POLM: variants seen among roughly 807,000 people sequenced by gnomAD.
POLM encodes the protein DNA polymerase mu.
Under a neutral mutation model 56.7 loss-of-function variants are expected in POLM, and 52 were observed. The observed-to-expected ratio is 0.92, with a 90% CI of 0.73 to 1.15. The LOEUF (loss-of-function observed/expected upper bound fraction) is 1.15. POLM is among the 50% of genes most tolerant of loss of function. The pLI, the probability that POLM is intolerant of heterozygous loss-of-function variation, is 0.00. For missense variants in POLM, 660 were observed against 663.6 expected (o/e 0.99, Z 0.06); for synonymous variants, 273 against 274.3 (o/e 1.00, Z 0.05).
At chr7:44,075,169 G>C (rs1432056485) in intron 6 of POLM, among the ~76,000 whole-genome samples, 2 of 152,210 alleles carry the variant, frequency 1.3e-5, no homozygotes, top group African/African-American at 4.8e-5. Context: ...TCCTGCCTCA[G>C]CCTCCCGAGT....
At chr7:44,081,143 C>T (rs2096198721) in intron 1 of POLM, among the ~76,000 whole-genome samples, 2 of 152,246 alleles carry the variant, frequency 1.3e-5, no homozygotes, top group Admixed American at 6.5e-5. Flanking sequence ...TTCACAAGCA[C>T]AGCCCAGTCT....
Position 44,082,369 on chromosome 7 carries a change from A to G in POLM, c.70T>C (p.Ser24Pro). Residue 24 changes from serine (S) to proline (P), a missense_variant, in exon 1 of 11, where the codon TCG becomes CCG. By Grantham distance (74) the Ser-to-Pro change is moderately conservative. Transcript: ENST00000242248. ...ATGGCGACTCCCGGGAAGCGCGTCG[A>G]GGGCGGCGTGGAGGAAGCGGCATCG... is the stretch of plus-strand genomic sequence containing the variant. Reference protein sequence around the residue: ...SGDAASSTPPSTRFPGVAIYL... With the variant: ...SGDAASSTPPPTRFPGVAIYL... The G allele has an allele frequency of 6.5e-7, 1 of 1,542,786 alleles. No homozygotes were observed. The highest frequency in any genetic ancestry group is 8.7e-7 in the Non-Finnish European group (1 of 1,153,336).
chr7:44,082,103 C>A, intron 1 of POLM, 148 bp downstream of exon 1: 1 of 684,632 alleles, frequency 1.5e-6, no homozygotes, highest in Non-Finnish European at 2.2e-6. Context: ...TCCTTTAAAA[C>A]ACGCCTCGCC....
At chr7:44,079,777 G>A in intron 3 of POLM, 36 bp from the exon 4 acceptor site, 1 of 1,610,574 alleles carries the variant, frequency 6.2e-7, no homozygotes, top group Non-Finnish European at 8.5e-7. Flanking sequence ...GGCAGGGTGG[G>A]CAGCTCCAAT....
chr7:44,082,479 G>T lies in POLM; in HGVS notation c.-41C>A, dbSNP rs901554853. The T allele has an allele frequency of 2.1e-6, 2 of 973,286 alleles. No individual in the cohort carries two copies. The highest frequency in any genetic ancestry group is 2.5e-6 in the Non-Finnish European group (2 of 808,692). The allele number at this position is 973,286 out of a possible 1,614,324, so 60.3% of individuals were successfully genotyped here. A position where few individuals can be genotyped will look rare whatever the true frequency, so the allele number is the denominator to read the frequency against. ...CAGCAGCGCGGAGCGAACGCAGAGG[G>T]AAACTCCGAGCGAGACGGAAGGAAG... On this transcript the variant is annotated 5_prime_UTR_variant, in exon 1 of 11. Coordinates refer to ENST00000242248, the MANE Select transcript of POLM (RefSeq NM_013284.4).
rs1277110280 is a variant in POLM at position 44,079,857 on chromosome 7, T to C, written c.471+4A>G. 4.3e-6 allele frequency: 7 copies of C among 1,613,798 alleles called. No homozygotes were observed. The African/African-American group carries it at 9.3e-5, about 22-fold the overall frequency. On this transcript the variant is annotated splice_donor_region_variant and intron_variant, in intron 3 of 10. Coordinates refer to ENST00000242248, the MANE Select transcript of POLM (RefSeq NM_013284.4). Reference sequence around the variant, plus strand: ...GCTGGCCAAGGCTCATAGAAGCGGCTTACGGAGAGGCCAGTGTTGTGGTGT... The same window carrying C: ...GCTGGCCAAGGCTCATAGAAGCGGCCTACGGAGAGGCCAGTGTTGTGGTGT...
At position 44,080,905 on chromosome 7, in the gene POLM, G is replaced by A. The variant is rs1392001379; in HGVS notation, c.200C>T (p.Thr67Ile). ...TGAGGTCTCTTCCATCACAACATGT[G>A]TCGCTTCGGAGCTGGTGGAGGGAGT... ...RVLDACSSEA[T>I]HVVMEETSAE... The change falls in exon 2 of 11, where the codon ACA (threonine) becomes ATA (isoleucine). Residue 67 changes from threonine (T) to isoleucine (I), a missense_variant. Coordinates refer to ENST00000242248, the MANE Select transcript of POLM (RefSeq NM_013284.4). 2 of 1,570,926 alleles carry A rather than the reference G, an allele frequency of 1.3e-6. No homozygotes were observed. Among genetic ancestry groups the A allele is most frequent in the South Asian group, 2.4e-5 (2 of 83,592 alleles).
chr7:44,080,253 A>C, intron 2 of POLM: 1 of 525,304 alleles, frequency 1.9e-6, no homozygotes, highest in Non-Finnish European at 3.5e-6. Flanking sequence ...AATCCTCACA[A>C]CCAAGCGGGC....
At chr7:44,080,073 TG>T (rs1457760186) in intron 2 of POLM, 114 bp from the exon 3 acceptor site, 1 of 750,902 alleles carries the variant, frequency 1.3e-6, no homozygotes, top group Non-Finnish European at 2.3e-6. Flanking sequence ...CTGGAGCTCA[TG>T]GGACAGAGGT....
chr7:44,082,128 C>T, intron 1 of POLM, 123 bp downstream of exon 1: 1 of 813,788 alleles, frequency 1.2e-6, no homozygotes, highest in South Asian at 2.2e-5. Flanking sequence ...TTAATAGCAC[C>T]CTTTACAGAA....
chr7:44,079,889 G>A lies in POLM; in HGVS notation c.443C>T (p.Pro148Leu), dbSNP rs767185388. Residue 148 changes from proline to leucine, a missense_variant, in exon 3 of 11, where the codon CCC (proline) becomes CTC (leucine). By Grantham distance (98) the Pro-to-Leu change is moderately conservative (BLOSUM62 -3). Coordinates refer to ENST00000242248, the MANE Select transcript of POLM (RefSeq NM_013284.4). ...GAGGCCAGTGTTGTGGTGTGTGAGG[G>A]GCGTAGGGCGCTGGCAGGCATAGGC... is the stretch of plus-strand genomic sequence containing the variant. ...MPAYACQRPT[P>L]LTHHNTGLSE... The A allele has an allele frequency of 8.1e-6, 13 of 1,614,146 alleles. No homozygotes were observed. The South Asian group carries it at 1.3e-4, about 16-fold the overall frequency.
intron 2 of POLM, chr7:44,080,486 A>G (rs1261890800): frequency 8.8e-6 from 6 of 680,142 alleles, no homozygotes; most frequent in Non-Finnish European, 1.6e-5. Flanking sequence ...AGAAGGTAAA[A>G]ATAAGCAGAC....
chr7:44,079,433 G>T, intron 4 of POLM, 138 bp downstream of exon 4: 1 of 749,614 alleles, frequency 1.3e-6, no homozygotes, highest in Non-Finnish European at 2.2e-6. Flanking sequence ...GCAGAGGGTG[G>T]CTTGTTGAGG....
Position 44,072,719 on chromosome 7 carries a change from A to G in POLM, c.*572T>C. 1 of 201,510 alleles carries G rather than the reference A, an allele frequency of 5.0e-6. No homozygotes were observed. Among genetic ancestry groups the G allele is most frequent in the Non-Finnish European group, 1.0e-5 (1 of 99,844 alleles). 12.5% of individuals were successfully genotyped at this position (201,510 alleles called of 1,614,324 possible). On this transcript the variant is annotated 3_prime_UTR_variant, in exon 11 of 11. Coordinates refer to ENST00000242248, the MANE Select transcript of POLM (RefSeq NM_013284.4). ...CGGGGCGCTGCAGTACTGAAGCCCC[A>G]TAGTTGAAAATTATCTTCCTCCCAG...
intron 1 of POLM, 133 bp downstream of exon 1, chr7:44,082,114 CTAAT>C (rs1448584785): frequency 1.4e-6 from 1 of 739,450 alleles, no homozygotes; most frequent in African/African-American, 1.9e-5. Context: ...ACGCCTCGCC[CTAAT>C]TAATAGCACC....
rs777520510 is a variant in POLM at position 44,073,655 on chromosome 7, C to T, written c.1368G>A (p.Leu456=). The change falls in exon 10 of 11, where the codon CTG becomes CTA. Residue 456 remains leucine, a synonymous_variant. Transcript: ENST00000242248. The part of the protein sequence containing the change: ...RFSRKEKGLW[L]NSHGLFDPEQ... ...CCGGGTCAAACAGCCCATGGCTGTTCAGCCACAGGCCCTTCTCCTTCCGGC... is the reference window on the plus strand; with the variant it reads ...CCGGGTCAAACAGCCCATGGCTGTTTAGCCACAGGCCCTTCTCCTTCCGGC... The T allele has an allele frequency of 6.2e-7, 1 of 1,614,188 alleles. No individual in the cohort carries two copies. Among genetic ancestry groups the T allele is most frequent in the South Asian group, 1.1e-5 (1 of 91,064 alleles).
At position 44,073,481 on chromosome 7, in the gene POLM, C is replaced by T. The variant is rs760263694; in HGVS notation, c.1399-104G>A. 7.6e-6 allele frequency: 12 copies of T among 1,579,648 alleles called. No individual in the cohort carries two copies. The Admixed American group carries it at 1.9e-4, about 25-fold the overall frequency. On this transcript the variant is annotated intron_variant, in intron 10 of 10. Transcript: ENST00000242248. The stretch of plus-strand genomic sequence containing the variant: ...GAGCCCAGCGCCGAGGTGGGGTGTG[C>T]TCTTGAGGGCCAGGAACTGTGTGTG...
In POLM at chr7:44,073,722, A is replaced by G. The variant is rs1429972796; in HGVS notation, c.1315-14T>C. 4.3e-6 allele frequency: 7 copies of G among 1,613,886 alleles called. No individual in the cohort carries two copies. In the South Asian group the frequency reaches 6.6e-5, roughly 15 times the overall value. On this transcript the variant is annotated splice_polypyrimidine_tract_variant and intron_variant, in intron 9 of 10. Coordinates refer to ENST00000242248, the MANE Select transcript of POLM (RefSeq NM_013284.4). ...CCGCTGGAAAAGCTGTAGGGAAGGG[A>G]TTGTCCTCAGCAGGGCTGGCCCAGC...
intron 5 of POLM, among the ~76,000 whole-genome samples, chr7:44,077,281 C>T (rs530227395): frequency 2.0e-5 from 3 of 152,282 alleles, no homozygotes; most frequent in East Asian, 3.9e-4. Context: ...GCTGGTGCGT[C>T]GCAAGAGAGG....
Sources: gnomAD v4.1 joint callset for allele counts (sites outside exome capture counted in the v4.1 genomes callset) on GRCh38, gnomAD v4.1.1 for gene constraint, MANE v1.5 for transcripts, NCBI Gene and HGNC (gene_info 2026-07-23, HGNC 2026-07-21) for gene names.